Variants in CRADD observed in about 807,000 individuals in gnomAD.
CRADD encodes the protein death domain-containing protein CRADD.
In CRADD, 9 loss-of-function variants were observed where a neutral mutation model predicts 15.5. The ratio of observed to expected loss-of-function variants is 0.58; its 90% CI spans 0.35 to 1.01. The LOEUF is 1.01. Among genes scored for constraint, CRADD ranks in the 50% least tolerant of loss-of-function variants. The pLI is 0.02. For synonymous variants in CRADD, 118 were observed against 107.6 expected, an observed-to-expected ratio of 1.10 and a Z score of -0.60; for missense variants, 227 against 250.3, an observed-to-expected ratio of 0.91 and a Z score of 0.63.
intron 2 of CRADD, among the ~76,000 whole-genome samples, chr12:93,807,079 T>C (rs1052180049): frequency 1.3e-5 from 2 of 152,078 alleles, no homozygotes; most frequent in African/African-American, 4.8e-5. Context: ...CATATTAAGA[T>C]TTGAGATATG....
chr12:93,750,511 A>G (rs973912613), intron 2 of CRADD, among the ~76,000 whole-genome samples: 1 of 152,208 alleles, frequency 6.6e-6, no homozygotes, highest in Non-Finnish European at 1.5e-5. Flanking sequence ...CACATACTAC[A>G]TAAAAAAATA....
At chr12:93,837,593 A>G (rs1212243493) in intron 2 of CRADD, 3 of 152,208 alleles carry the variant, frequency 2.0e-5, no homozygotes, top group Non-Finnish European at 4.4e-5. Flanking sequence ...AAAGGCAGAA[A>G]CAAATAAGCA....
At chr12:93,853,990 CAT>C (rs1435533603), downstream of CRADD, among the ~76,000 whole-genome samples, 3 of 152,176 alleles carry the variant, frequency 2.0e-5, no homozygotes, top group Non-Finnish European at 2.9e-5. Context: ...TTACATTCAT[CAT>C]ATGTTACAAT....
chr12:93,806,451 C>CAAAAAA (rs59372325), intron 2 of CRADD, among the ~76,000 whole-genome samples: 162 of 59,038 alleles, frequency 2.7e-3, no homozygotes, highest in East Asian at 7.7e-3. Flanking sequence ...GACTCCATCT[C>CAAAAAA]AAAAAAAAAA....
At chr12:93,823,527 G>T (rs1957791762) in intron 2 of CRADD, among the ~76,000 whole-genome samples, 1 of 152,180 alleles carries the variant, frequency 6.6e-6, no homozygotes, top group Non-Finnish European at 1.5e-5. Context: ...GATCAACAGG[G>T]TAGAAAGCTG....
intron 2 of CRADD, among the ~76,000 whole-genome samples, chr12:93,735,960 G>C (rs549956624): frequency 8.5e-4 from 129 of 151,968 alleles, no homozygotes; most frequent in Non-Finnish European, 1.5e-3. Flanking sequence ...AGGAGGCCGA[G>C]GTGGGATGAT....
chr12:93,745,951 C>T (rs1382808595), intron 2 of CRADD, among the ~76,000 whole-genome samples: 1 of 152,176 alleles, frequency 6.6e-6, no homozygotes, highest in Admixed American at 6.5e-5. Context: ...CACACATACA[C>T]ACACTATTAC....
chr12:93,784,495 C>T (rs1477864799), intron 2 of CRADD, among the ~76,000 whole-genome samples: 2 of 152,110 alleles, frequency 1.3e-5, no homozygotes, highest in Non-Finnish European at 2.9e-5. Context: ...CTTCTAACCA[C>T]TGTGCAGTCT....
Position 93,712,580 on chromosome 12 carries a change from T to C in CRADD, c.298+33508T>C, listed in dbSNP as rs148060846. Among the ~76,000 whole-genome samples the C allele has an allele frequency of 1.5e-3, 222 of 152,354 alleles. 1 individual carries two copies. Among genetic ancestry groups the C allele is most frequent in the African/African-American group, 4.8e-3 (199 of 41,586 alleles). Reference sequence around the variant, plus strand: ...TTGTTTAGTTGTTCAAAATGGGTTTTGGATTTTTGATCCAGAAGCATTCTG... The same window carrying C: ...TTGTTTAGTTGTTCAAAATGGGTTTCGGATTTTTGATCCAGAAGCATTCTG... On this transcript the variant is annotated intron_variant, in intron 2 of 2. Coordinates refer to ENST00000332896, the MANE Select transcript of CRADD (RefSeq NM_003805.5).
chr12:93,718,218 G>A (rs1477698415), intron 2 of CRADD, among the ~76,000 whole-genome samples: 1 of 152,094 alleles, frequency 6.6e-6, no homozygotes, highest in Admixed American at 6.6e-5. Context: ...TAGTGTGCTG[G>A]GATTTTTGTT....
At chr12:93,773,730 G>A (rs937388616) in intron 2 of CRADD, among the ~76,000 whole-genome samples, 4 of 151,546 alleles carry the variant, frequency 2.6e-5, no homozygotes, top group Admixed American at 6.6e-5. Flanking sequence ...CATGGATTGT[G>A]CAGAAGGCCA....
At chr12:93,712,991 A>C (rs565226591) in intron 2 of CRADD, among the ~76,000 whole-genome samples, 1 of 152,128 alleles carries the variant, frequency 6.6e-6, no homozygotes, top group Non-Finnish European at 1.5e-5. Context: ...AGTGTTTTCA[A>C]TCTGGGACCA....
chr12:93,717,273 G>C (rs1956178569), intron 2 of CRADD, among the ~76,000 whole-genome samples: 1 of 152,050 alleles, frequency 6.6e-6, no homozygotes, highest in East Asian at 1.9e-4. Flanking sequence ...TTTGGTAACA[G>C]CCCTTTATCA....
At chr12:93,763,171 C>T (rs1375502444) in intron 2 of CRADD, among the ~76,000 whole-genome samples, 1 of 152,270 alleles carries the variant, frequency 6.6e-6, no homozygotes, top group Admixed American at 6.5e-5. Context: ...GTAGGCCAGA[C>T]AGCAAATAGG....
intron 2 of CRADD, chr12:93,738,598 G>A (rs1295142394): frequency 8.3e-6 from 5 of 605,458 alleles, no homozygotes; most frequent in Admixed American, 2.9e-5. Context: ...TGCACCACAC[G>A]CCAGCCCTTA....
intron 2 of CRADD, among the ~76,000 whole-genome samples, chr12:93,685,126 C>T (rs1021435157): frequency 2.6e-5 from 4 of 152,204 alleles, no homozygotes; most frequent in African/African-American, 9.6e-5. Context: ...CTGTGGGCAA[C>T]AGTATTTAGC....
chr12:93,679,087 GATCACTTTGA>G lies in CRADD; in HGVS notation c.298+17_298+26del. 1 of 1,601,238 alleles carries G rather than the reference GATCACTTTGA, an allele frequency of 6.2e-7. No homozygotes were observed. On this transcript the variant is annotated intron_variant, in intron 2 of 2. Transcript: ENST00000332896. ...CCTGCCTGCAGGTAGGCCTCAGAAA[GATCACTTTGA>G]ACCAGCTCCAAAATGTTGTAACTAT... is the stretch of plus-strand genomic sequence containing the variant.
rs77121214 is a variant in CRADD, at chr12:93,866,638, T to C, written c.299-27412T>C. The stretch of plus-strand genomic sequence containing the variant: ...TCATTTATATTTAAAATTGGGGCCC[T>C]AAAAAGCTGAATGAGACTCTGTATT... On this transcript the variant is annotated intron_variant, in intron 2 of 2. Coordinates refer to the CRADD transcript ENST00000548483. Among the ~76,000 whole-genome samples, 1,203 of 152,278 alleles carry C rather than the reference T, an allele frequency of 7.9e-3. 15 individuals are homozygous for C. Among genetic ancestry groups the C allele is most frequent in the African/African-American group, 0.027 (1,122 of 41,558 alleles).
chr12:93,725,759 G>A (rs564952928), intron 2 of CRADD, among the ~76,000 whole-genome samples: 37 of 152,266 alleles, frequency 2.4e-4, no homozygotes, highest in African/African-American at 8.9e-4. Flanking sequence ...TTACCATTTA[G>A]CATGTAGAGA....
Sources: gnomAD v4.1 joint callset for allele counts (sites outside exome capture counted in the v4.1 genomes callset) on GRCh38, gnomAD v4.1.1 for gene constraint, MANE v1.5 for transcripts, NCBI Gene and HGNC (gene_info 2026-07-23, HGNC 2026-07-21) for gene names.